Variants in SAMD5 observed in about 807,000 individuals in gnomAD.
The protein encoded by SAMD5 is sterile alpha motif domain containing 5.
In SAMD5, 13 loss-of-function variants were observed where a neutral mutation model predicts 11.3. The ratio of observed to expected loss-of-function variants is 1.15; its 90% confidence interval spans 0.75 to 1.83. The LOEUF is 1.83. SAMD5 is among the 40% of genes most tolerant of loss of function. The pLI is 0.00. For synonymous variants in SAMD5, 129 were observed against 111.3 expected (o/e 1.16, Z -1.00); for missense variants, 255 against 239.1 (o/e 1.07, Z -0.44).
chr6:147,879,350 G>A, the SAMD5 span, among the ~76,000 whole-genome samples: 1 of 152,196 alleles, frequency 6.6e-6, no homozygotes, highest in Non-Finnish European at 1.5e-5. Context: ...ACTCCTCCGA[G>A]AGCAGAGATG....
chr6:147,531,841 C>T (rs9497798), intron 1 of SAMD5, among the ~76,000 whole-genome samples: 1,562 of 152,022 alleles, frequency 0.01, 29 homozygotes, highest in African/African-American at 0.035. Context: ...AGTAATAAAA[C>T]GACCCATAAT....
At chr6:147,661,275 T>A (rs758213265) in intron 1 of SAMD5, among the ~76,000 whole-genome samples, 1 of 152,078 alleles carries the variant, frequency 6.6e-6, no homozygotes, top group Non-Finnish European at 1.5e-5. Flanking sequence ...AGAATATAAT[T>A]TAAAAATATA....
At chr6:147,917,367 G>A in the SAMD5 span, among the ~76,000 whole-genome samples, 1 of 149,216 alleles carries the variant, frequency 6.7e-6, no homozygotes, top group Admixed American at 6.7e-5. Flanking sequence ...TTTGAGAAGT[G>A]TCTGTTCATG....
chr6:147,816,304 ATATATATAT>A, the SAMD5 span, among the ~76,000 whole-genome samples: 6 of 33,410 alleles, frequency 1.8e-4, no homozygotes, highest in East Asian at 6.3e-4. Context: ...AAAAAAAAAT[ATATATATAT>A]ATATATATAT....
chr6:147,941,854 T>A, the SAMD5 span, among the ~76,000 whole-genome samples: 1 of 51,212 alleles, frequency 2.0e-5, no homozygotes, highest in African/African-American at 7.1e-5. Context: ...GTGAAGTTGG[T>A]TTGTTTGTTT....
Position 147,564,856 on chromosome 6 carries a change from A to G in SAMD5, c.*400A>G, listed in dbSNP as rs702342. 0.077 allele frequency: 71,986 copies of G among 940,360 alleles called. 3,258 individuals carry two copies. The highest frequency in any genetic ancestry group is 0.19 in the African/African-American group (10,624 of 56,160). 58.3% of individuals were successfully genotyped at this position (940,360 alleles called of 1,614,324 possible). On this transcript the variant is annotated 3_prime_UTR_variant, in exon 2 of 2. Coordinates refer to ENST00000367474, the MANE Select transcript of SAMD5 (RefSeq NM_001030060.3). ...ATTTCTGACAGTAAGTAGTAATTAT[A>G]TTATTTCCAAATTTGCTTTTAACTT...
At chr6:147,932,701 C>A in the SAMD5 span, among the ~76,000 whole-genome samples, 2 of 151,010 alleles carry the variant, frequency 1.3e-5, no homozygotes, top group Non-Finnish European at 2.9e-5. Context: ...CACACCACAC[C>A]TGCACCAGCT....
the SAMD5 span, among the ~76,000 whole-genome samples, chr6:147,799,726 CT>C: frequency 6.6e-6 from 1 of 151,408 alleles, no homozygotes; most frequent in Admixed American, 6.6e-5. Flanking sequence ...TAGATTTGGT[CT>C]TTTCACATAG....
intron 1 of SAMD5, among the ~76,000 whole-genome samples, chr6:147,653,445 G>T (rs1790518830): frequency 6.6e-6 from 1 of 152,194 alleles, no homozygotes; most frequent in Admixed American, 6.5e-5. Context: ...ACATCCATAT[G>T]CATGTTATCC....
At chr6:147,940,229 A>G in the SAMD5 span, among the ~76,000 whole-genome samples, 15,023 of 144,656 alleles carry the variant, frequency 0.1, 1,026 homozygotes, top group South Asian at 0.29. Context: ...TTGCAACAGT[A>G]GGAATTATGG....
At chr6:147,602,356 A>G (rs1041047557) in intron 1 of SAMD5, among the ~76,000 whole-genome samples, 1 of 152,228 alleles carries the variant, frequency 6.6e-6, no homozygotes, top group African/African-American at 2.4e-5. Flanking sequence ...CAAATTACCT[A>G]TAGGGATAGT....
chr6:147,594,165 A>G (rs950694868), intron 1 of SAMD5, among the ~76,000 whole-genome samples: 25 of 152,160 alleles, frequency 1.6e-4, no homozygotes, highest in Non-Finnish European at 5.9e-5. Context: ...GCAAAAGAAT[A>G]AAGTGCAACA....
chr6:147,911,992 G>A, the SAMD5 span, among the ~76,000 whole-genome samples: 1 of 152,200 alleles, frequency 6.6e-6, no homozygotes, highest in African/African-American at 2.4e-5. Flanking sequence ...CACAAAACAA[G>A]GACAGACTCT....
At chr6:147,555,878 A>G (rs1175533329) in intron 1 of SAMD5, among the ~76,000 whole-genome samples, 1 of 152,062 alleles carries the variant, frequency 6.6e-6, no homozygotes, top group Non-Finnish European at 1.5e-5. Context: ...GATACTCCCT[A>G]CTTTTTCAAT....
the SAMD5 span, among the ~76,000 whole-genome samples, chr6:147,834,105 A>G: frequency 6.6e-6 from 1 of 152,224 alleles, no homozygotes; most frequent in Non-Finnish European, 1.5e-5. Context: ...TACAACATTA[A>G]CACACACATT....
the SAMD5 span, among the ~76,000 whole-genome samples, chr6:147,852,315 A>G: frequency 6.6e-6 from 1 of 152,088 alleles, no homozygotes; most frequent in Admixed American, 6.6e-5. Context: ...TTATATTTAA[A>G]CTCAGTAAAA....
chr6:147,517,873 GT>G (rs564247973), intron 1 of SAMD5, among the ~76,000 whole-genome samples: 175 of 134,520 alleles, frequency 1.3e-3, no homozygotes, highest in East Asian at 0.012. Context: ...ATAATGAGGT[GT>G]TTTTTTTTTT....
chr6:147,800,639 A>C, the SAMD5 span, among the ~76,000 whole-genome samples: 18 of 152,246 alleles, frequency 1.2e-4, no homozygotes, highest in Non-Finnish European at 2.4e-4. Context: ...CTATTTTTAA[A>C]GAGGGATCTA....
At chr6:147,655,710 T>A (rs1404935820) in intron 1 of SAMD5, among the ~76,000 whole-genome samples, 1 of 152,224 alleles carries the variant, frequency 6.6e-6, no homozygotes, top group Non-Finnish European at 1.5e-5. Flanking sequence ...ACTCTTCACA[T>A]CTTATGTCCA....
Sources: allele counts gnomAD v4.1 joint callset (sites outside exome capture counted in the v4.1 genomes callset), GRCh38; gene constraint gnomAD v4.1.1; transcripts MANE v1.5; gene names NCBI Gene and HGNC (gene_info 2026-07-23, HGNC 2026-07-21).